The following FMNL2 variants were observed in gnomAD, a reference collection of about 807,000 sequenced individuals.
The protein encoded by FMNL2 is formin like 2.
Under a neutral mutation model 130.2 loss-of-function variants are expected in FMNL2, and 51 were observed. The ratio of observed to expected loss-of-function variants is 0.39; its 90% confidence interval spans 0.31 to 0.49. The LOEUF (loss-of-function observed/expected upper bound fraction) is 0.49. FMNL2 is among the 20% of genes least tolerant of loss of function. The pLI, the probability that FMNL2 is intolerant of heterozygous loss-of-function variation, is 0.85. For synonymous variants in FMNL2, 465 were observed against 467.1 expected, an observed-to-expected ratio of 1.00 and a Z score of 0.06; for missense variants, 977 against 1,316.2, an observed-to-expected ratio of 0.74 and a Z score of 3.99.
intron 2 of FMNL2, among the ~76,000 whole-genome samples, chr2:152,536,314 A>G (rs539490383): frequency 1.3e-5 from 2 of 152,364 alleles, no homozygotes; most frequent in African/African-American, 4.8e-5. Flanking sequence ...CCTTGAGGAT[A>G]TGAATTATGT....
chr2:152,435,537 A>G (rs540315086), intron 1 of FMNL2, among the ~76,000 whole-genome samples: 63 of 152,056 alleles, frequency 4.1e-4, no homozygotes, highest in Non-Finnish European at 7.2e-4. Context: ...TGGGATGTAC[A>G]CTGATATTAG....
chr2:152,631,781 C>T (rs538075501), intron 20 of FMNL2, among the ~76,000 whole-genome samples: 1 of 152,214 alleles, frequency 6.6e-6, no homozygotes, highest in Non-Finnish European at 1.5e-5. Flanking sequence ...AGAGTCATCC[C>T]TATAGTTAAG....
intron 1 of FMNL2, among the ~76,000 whole-genome samples, chr2:152,389,484 A>C (rs944748091): frequency 6.6e-6 from 1 of 152,218 alleles, no homozygotes; most frequent in Admixed American, 6.5e-5. Flanking sequence ...AATTTTGAGG[A>C]GACACATTCA....
intron 1 of FMNL2, among the ~76,000 whole-genome samples, chr2:152,469,777 C>T (rs760959040): frequency 2.0e-5 from 3 of 152,100 alleles, no homozygotes; most frequent in Admixed American, 6.5e-5. Flanking sequence ...ATAATGTCTC[C>T]GTCCTTTAGT....
intron 2 of FMNL2, among the ~76,000 whole-genome samples, chr2:152,531,303 A>G (rs1051090109): frequency 1.3e-5 from 2 of 152,164 alleles, no homozygotes; most frequent in African/African-American, 4.8e-5. Flanking sequence ...TTCTCTGCCT[A>G]TCCTTAGATC....
At chr2:152,607,492 C>CAG in intron 10 of FMNL2, 79 bp downstream of exon 10, 1 of 895,348 alleles carries the variant, frequency 1.1e-6, no homozygotes, top group African/African-American at 1.7e-5. Context: ...CACACACACA[C>CAG]ACACACACAC....
At chr2:152,630,010 G>A in intron 20 of FMNL2, 105 bp downstream of exon 20, 1 of 1,015,458 alleles carries the variant, frequency 9.8e-7, no homozygotes, top group Non-Finnish European at 1.5e-6. Context: ...TCTGCTATGG[G>A]AGGATCAACT....
intron 4 of FMNL2, among the ~76,000 whole-genome samples, chr2:152,556,992 C>T (rs562496555): frequency 6.6e-6 from 1 of 151,970 alleles, no homozygotes; most frequent in African/African-American, 2.4e-5. Context: ...CTAAGCAAGG[C>T]TAAGGGGCTT....
At chr2:152,420,983 A>G (rs985961391) in intron 1 of FMNL2, among the ~76,000 whole-genome samples, 1 of 152,210 alleles carries the variant, frequency 6.6e-6, no homozygotes, top group African/African-American at 2.4e-5. Flanking sequence ...GCCTTTCTGC[A>G]AGGATTGTAG....
intron 2 of FMNL2, among the ~76,000 whole-genome samples, chr2:152,536,319 T>G (rs534684800): frequency 3.0e-4 from 46 of 152,250 alleles, no homozygotes; most frequent in Non-Finnish European, 5.6e-4. Context: ...AGGATATGAA[T>G]TATGTCTGTC....
intron 1 of FMNL2, among the ~76,000 whole-genome samples, chr2:152,478,250 A>ATATT (rs1269557250): frequency 8.7e-5 from 8 of 92,116 alleles, no homozygotes; most frequent in South Asian, 8.3e-4. Flanking sequence ...ATATATATAT[A>ATATT]TTTTTTTTTT....
At chr2:152,342,799 A>G (rs1262021077) in intron 1 of FMNL2, among the ~76,000 whole-genome samples, 1 of 152,194 alleles carries the variant, frequency 6.6e-6, no homozygotes, top group Non-Finnish European at 1.5e-5. Context: ...TGTGATCTCA[A>G]CCAAGGCCCG....
intron 9 of FMNL2, 37 bp from the exon 10 acceptor site, chr2:152,607,302 T>G: frequency 6.3e-7 from 1 of 1,577,362 alleles, no homozygotes. Context: ...TGTTTATGTT[T>G]AGAAAGTCAC....
chr2:152,624,426 A>G (rs576506219), intron 15 of FMNL2, among the ~76,000 whole-genome samples: 3 of 152,000 alleles, frequency 2.0e-5, no homozygotes, highest in Non-Finnish European at 4.4e-5. Context: ...CCAAAGTGCT[A>G]GGACTTTGAG....
chr2:152,400,891 C>A (rs1018745676), intron 1 of FMNL2, among the ~76,000 whole-genome samples: 2 of 152,162 alleles, frequency 1.3e-5, no homozygotes, highest in Admixed American at 1.3e-4. Context: ...TTGTAGTTTT[C>A]TTTCTTTTTT....
intron 1 of FMNL2, among the ~76,000 whole-genome samples, chr2:152,351,775 C>G (rs1032322275): frequency 1.2e-4 from 19 of 152,180 alleles, no homozygotes; most frequent in Non-Finnish European, 8.8e-5. Flanking sequence ...GGAATCACCA[C>G]ACTGTCTTCC....
At chr2:152,594,900 C>T (rs1021165772) in intron 9 of FMNL2, among the ~76,000 whole-genome samples, 24 of 152,088 alleles carry the variant, frequency 1.6e-4, no homozygotes, top group African/African-American at 5.3e-4. Flanking sequence ...GAAAATAGCC[C>T]AGTGGTTCCT....
intron 1 of FMNL2, among the ~76,000 whole-genome samples, chr2:152,421,913 C>T (rs1473193687): frequency 6.6e-6 from 1 of 152,212 alleles, no homozygotes; most frequent in Non-Finnish European, 1.5e-5. Context: ...GATGCCTACC[C>T]TGTGTCAAAC....
chr2:152,343,319 G>A (rs1029836626), intron 1 of FMNL2, among the ~76,000 whole-genome samples: 16 of 152,136 alleles, frequency 1.1e-4, no homozygotes, highest in Non-Finnish European at 1.9e-4. Flanking sequence ...GTTTTGAGAT[G>A]GATTCTCCTT....
Sources: gnomAD v4.1 joint callset for allele counts (sites outside exome capture counted in the v4.1 genomes callset) on GRCh38, gnomAD v4.1.1 for gene constraint, MANE v1.5 for transcripts, NCBI Gene and HGNC (gene_info 2026-07-23, HGNC 2026-07-21) for gene names.